GLE1: variants seen among roughly 807,000 people sequenced by gnomAD.
The protein encoded by GLE1 is GLE1 RNA export mediator, also known as mRNA export factor GLE1.
GLE1 carries 78 observed loss-of-function variants against 97.3 expected under a neutral mutation model. That is an observed-to-expected ratio of 0.80 (90% CI 0.67 to 0.97). The LOEUF (loss-of-function observed/expected upper bound fraction) is 0.97, where lower values mean the gene tolerates loss of function less well. Among genes scored for constraint, GLE1 ranks in the 50% least tolerant of loss-of-function variants. GLE1 has a pLI of 0.00. For synonymous variants in GLE1, 302 were observed against 313.4 expected, an observed-to-expected ratio of 0.96 and a Z score of 0.39; for missense variants, 753 against 857.5, an observed-to-expected ratio of 0.88 and a Z score of 1.52.
At position 128,522,635 on chromosome 9, in the gene GLE1, T is replaced by TAA. The variant is rs60154464; in HGVS notation, c.433-11_433-10dup. The TAA allele has an allele frequency of 1.2e-3, 1,495 of 1,260,338 alleles. No homozygotes were observed. The highest frequency in any genetic ancestry group is 4.2e-3 in the African/African-American group (199 of 47,832). The allele number at this position is 1,260,338 out of a possible 1,614,324, so 78.1% of individuals were successfully genotyped here. ...CTGGCGACAGAGAGAGATTCCATCT[T>TAA]AAAAAAAAAAAAAAAAAAAAAAACC... On this transcript the variant is annotated intron_variant, in intron 3 of 15. Transcript: ENST00000309971.
chr9:128,509,161 G>T (rs1286213221), intron 2 of GLE1, 64 bp downstream of exon 2: 6 of 958,478 alleles, frequency 6.3e-6, no homozygotes, highest in Non-Finnish European at 1.7e-6. Flanking sequence ...GTTTAATATT[G>T]TCATATGACA....
intron 13 of GLE1, among the ~76,000 whole-genome samples, chr9:128,538,723 TCTCA>T (rs1847798893): frequency 6.6e-6 from 1 of 151,946 alleles, no homozygotes; most frequent in East Asian, 1.9e-4. Flanking sequence ...TTGAACAGGA[TCTCA>T]CTCTGTCAGC....
chr9:128,540,757 T>C (rs79716800), intron 15 of GLE1: 4,246 of 371,332 alleles, frequency 0.011, 107 homozygotes, highest in East Asian at 0.075. Context: ...AAGGTTAATT[T>C]TGACAAAGAA....
At chr9:128,533,379 AAGATTGT>A (rs1847582137) in intron 9 of GLE1, 127 bp from the exon 10 acceptor site, 1 of 707,802 alleles carries the variant, frequency 1.4e-6, no homozygotes, top group East Asian at 2.8e-5. Flanking sequence ...GCAGTGAGCC[AAGATTGT>A]GCCACTGCAC....
intron 9 of GLE1, among the ~76,000 whole-genome samples, chr9:128,529,591 G>A (rs953533863): frequency 2.6e-5 from 4 of 151,744 alleles, no homozygotes; most frequent in African/African-American, 9.7e-5. Context: ...GTTTCTGTTC[G>A]GCACTGTTGC....
intron 3 of GLE1, among the ~76,000 whole-genome samples, chr9:128,521,169 C>CT (rs1337626854): frequency 6.6e-6 from 1 of 152,118 alleles, no homozygotes; most frequent in African/African-American, 2.4e-5. Flanking sequence ...CCAATTCTCA[C>CT]TTTAACAGAG....
At chr9:128,510,671 G>C (rs899380296) in intron 2 of GLE1, among the ~76,000 whole-genome samples, 1 of 151,204 alleles carries the variant, frequency 6.6e-6, no homozygotes, top group Non-Finnish European at 1.5e-5. Context: ...TGAGATTACA[G>C]GTGTGCGCCA....
At position 128,536,477 on chromosome 9, in the gene GLE1, G is replaced by T. The variant is rs17856852; in HGVS notation, c.1769G>T (p.Arg590Leu). 1.6e-5 allele frequency: 26 copies of T among 1,613,372 alleles called. No individual in the cohort carries two copies. Among genetic ancestry groups the T allele is most frequent in the Non-Finnish European group, 2.1e-5 (25 of 1,179,498 alleles). Residue 590 changes from arginine to leucine, a missense_variant, in exon 12 of 16, where the codon CGA (arginine) becomes CTA (leucine). Transcript: ENST00000309971. Reference protein sequence around the residue: ...IIQLRWPYGNRQEIHPHGLNH... With the variant: ...IIQLRWPYGNLQEIHPHGLNH... ...CAGCTCCGGTGGCCATATGGAAACC[G>T]ACAGGAGGTAGGTAAAAGAGGCTTA...
intron 2 of GLE1, among the ~76,000 whole-genome samples, chr9:128,513,860 C>A (rs1468692180): frequency 6.6e-6 from 1 of 151,076 alleles, no homozygotes; most frequent in African/African-American, 2.4e-5. Flanking sequence ...ACTAAAAATA[C>A]AAAAAAAATT....
intron 9 of GLE1, among the ~76,000 whole-genome samples, chr9:128,527,831 G>A (rs1275645999): frequency 1.3e-5 from 2 of 151,372 alleles, no homozygotes; most frequent in African/African-American, 4.8e-5. Flanking sequence ...GGGTGTGGTG[G>A]CTCTCACCTA....
In GLE1 at chr9:128,533,925, G is replaced by C. The variant is rs1847610003; in HGVS notation, c.1620G>C (p.Glu540Asp). The C allele has an allele frequency of 1.9e-6, 3 of 1,612,554 alleles. No individual in the cohort carries two copies. Among genetic ancestry groups the C allele is most frequent in the Non-Finnish European group, 2.5e-6 (3 of 1,178,560 alleles). ...YSVPFYPTFKEGMALEDYQRM... is the reference protein window; with the variant it reads ...YSVPFYPTFKDGMALEDYQRM... ...TTCCTTTCTATCCCACTTTCAAGGAGGGAATGGCTTTGGAAGACTATCAGA... is the reference window on the plus strand; with the variant it reads ...TTCCTTTCTATCCCACTTTCAAGGACGGAATGGCTTTGGAAGACTATCAGA... The change falls in exon 11 of 16, where the codon GAG (glutamate) becomes GAC (aspartate). Residue 540 changes from glutamate (E) to aspartate (D), a missense_variant. Glu to Asp is a conservative substitution (Grantham distance 45). Coordinates refer to ENST00000309971, the MANE Select transcript of GLE1 (RefSeq NM_001003722.2).
At chr9:128,510,616 C>T (rs1188151592) in intron 2 of GLE1, among the ~76,000 whole-genome samples, 1 of 150,474 alleles carries the variant, frequency 6.6e-6, no homozygotes, top group African/African-American at 2.5e-5. Flanking sequence ...GCAACCTTTG[C>T]CTCCTGGGTT....
rs758765842 is a variant in GLE1, at chr9:128,527,164, T to C, written c.1130-15T>C. The C allele has an allele frequency of 1.6e-5, 22 of 1,398,206 alleles. No individual in the cohort carries two copies. The highest frequency in any genetic ancestry group is 1.8e-4 in the Middle Eastern group (1 of 5,670). The allele number at this position is 1,398,206 out of a possible 1,614,324, so 86.6% of individuals were successfully genotyped here. ...AAATACTAGCTATTACTAAAACCTCTCTTTTATTTCTCAGACCTCCAGGTG... is the reference window on the plus strand; with the variant it reads ...AAATACTAGCTATTACTAAAACCTCCCTTTTATTTCTCAGACCTCCAGGTG... On this transcript the variant is annotated splice_polypyrimidine_tract_variant and intron_variant, in intron 7 of 15. Coordinates refer to ENST00000309971, the MANE Select transcript of GLE1 (RefSeq NM_001003722.2).
At chr9:128,530,256 A>G (rs1847450866) in intron 9 of GLE1, among the ~76,000 whole-genome samples, 1 of 152,122 alleles carries the variant, frequency 6.6e-6, no homozygotes, top group South Asian at 2.1e-4. Context: ...CTCTGCCTAT[A>G]TGTCTCTTAG....
At chr9:128,507,157 C>G (rs917714343) in intron 1 of GLE1, among the ~76,000 whole-genome samples, 1 of 152,092 alleles carries the variant, frequency 6.6e-6, no homozygotes, top group African/African-American at 2.4e-5. Flanking sequence ...CTCATTATTA[C>G]TACTAAGGGT....
intron 3 of GLE1, among the ~76,000 whole-genome samples, chr9:128,521,782 C>T (rs1246047995): frequency 1.3e-5 from 2 of 152,134 alleles, no homozygotes; most frequent in African/African-American, 4.8e-5. Flanking sequence ...TTTGCACACA[C>T]ATACAAGCAT....
chr9:128,507,532 C>T (rs933406609), intron 1 of GLE1, among the ~76,000 whole-genome samples: 7 of 149,792 alleles, frequency 4.7e-5, no homozygotes, highest in African/African-American at 1.7e-4. Flanking sequence ...TGCAGTGAGC[C>T]GTGATCACGC....
chr9:128,508,664 G>T (rs1457898567), intron 1 of GLE1, among the ~76,000 whole-genome samples: 3 of 152,032 alleles, frequency 2.0e-5, no homozygotes, highest in East Asian at 3.9e-4. Context: ...CTGTAGTTAG[G>T]GTTATTTAGT....
intron 13 of GLE1, among the ~76,000 whole-genome samples, chr9:128,538,482 T>G (rs1847789994): frequency 6.6e-6 from 1 of 151,088 alleles, no homozygotes; most frequent in East Asian, 1.9e-4. Context: ...GTCAGTATAT[T>G]GAAACCCTGT....
Sources: allele counts gnomAD v4.1 joint callset (sites outside exome capture counted in the v4.1 genomes callset), GRCh38; gene constraint gnomAD v4.1.1; transcripts MANE v1.5; gene names NCBI Gene and HGNC (gene_info 2026-07-23, HGNC 2026-07-21).